CUX2: variants seen among roughly 807,000 people sequenced by gnomAD.
The protein encoded by CUX2 is cut like homeobox 2.
A neutral mutation model predicts 144.8 loss-of-function variants in CUX2; 40 were observed. The observed-to-expected ratio is 0.28, with a 90% CI of 0.21 to 0.36. The LOEUF is 0.36. Ranked by LOEUF, CUX2 falls within the 10% of genes least tolerant of loss-of-function variation. CUX2 has a pLI of 1.00. For missense variants in CUX2, 1,615 were observed against 1,994.0 expected, an observed-to-expected ratio of 0.81 and a Z score of 3.62; for synonymous variants, 827 against 875.6, an observed-to-expected ratio of 0.94 and a Z score of 0.98.
At chr12:111,101,520 G>C (rs1321581171) in intron 1 of CUX2, among the ~76,000 whole-genome samples, 1 of 152,202 alleles carries the variant, frequency 6.6e-6, no homozygotes, top group East Asian at 1.9e-4. Context: ...GATTTGTCAT[G>C]TTGTGGTATC....
chr12:111,264,901 G>A (rs1196657804), intron 4 of CUX2, among the ~76,000 whole-genome samples: 7 of 151,916 alleles, frequency 4.6e-5, no homozygotes, highest in South Asian at 2.1e-4. Context: ...GATAAGAGTC[G>A]ATTGTTGGTT....
intron 1 of CUX2, among the ~76,000 whole-genome samples, chr12:111,036,098 T>C (rs1869431474): frequency 6.6e-6 from 1 of 152,246 alleles, no homozygotes; most frequent in African/African-American, 2.4e-5. Context: ...ATTGATGTTC[T>C]GTAACATAAG....
chr12:111,176,923 A>G (rs945446033), intron 1 of CUX2, among the ~76,000 whole-genome samples: 2 of 152,142 alleles, frequency 1.3e-5, no homozygotes, highest in African/African-American at 4.8e-5. Flanking sequence ...AAAATTTCTC[A>G]TTGCAGGGTC....
chr12:111,186,961 T>C lies in CUX2; in HGVS notation c.64-27239T>C, dbSNP rs563831611. On this transcript the variant is annotated intron_variant, in intron 1 of 21. Coordinates refer to ENST00000261726, the MANE Select transcript of CUX2 (RefSeq NM_015267.4). This position sits in a 1 kb window ranked among gnomAD's most constrained non-coding sequence, Gnocchi z 4.4. ...GCCTGGCTAATTTTTGTATTTTTGG[T>C]AGAGATGGGGTTTTGCCATGTTGGC... is the stretch of plus-strand genomic sequence containing the variant. Among the ~76,000 whole-genome samples the C allele has an allele frequency of 6.6e-6, 1 of 152,188 alleles. No homozygotes were observed. The highest frequency in any genetic ancestry group is 1.9e-4 in the East Asian group (1 of 5,158).
chr12:111,087,046 G>A lies in CUX2; in HGVS notation c.63+52806G>A, dbSNP rs147348674. Among the ~76,000 whole-genome samples, 342 of 152,152 alleles carry A rather than the reference G, an allele frequency of 2.2e-3. 3 individuals carry two copies. The highest frequency in any genetic ancestry group is 7.4e-3 in the African/African-American group (308 of 41,530). The stretch of plus-strand genomic sequence containing the variant: ...AATGGACATAGTAAGTTATTCTACC[G>A]TAACAAGGGACTTACTAAAGAAAAT... On this transcript the variant is annotated intron_variant, in intron 1 of 21. Transcript: ENST00000261726.
intron 4 of CUX2, among the ~76,000 whole-genome samples, chr12:111,267,739 A>G (rs1015488557): frequency 6.6e-6 from 1 of 152,154 alleles, no homozygotes; most frequent in Non-Finnish European, 1.5e-5. Context: ...TGGTGGCTCC[A>G]GGTGTCCCTT....
At chr12:111,108,713 A>C (rs191586999) in intron 1 of CUX2, among the ~76,000 whole-genome samples, 42 of 55,124 alleles carry the variant, frequency 7.6e-4, no homozygotes, top group East Asian at 1.2e-3. Flanking sequence ...TCTTTGCCCC[A>C]CTCTCCTCGC....
At chr12:111,315,667 C>T (rs1209262604) in intron 16 of CUX2, among the ~76,000 whole-genome samples, 7 of 151,888 alleles carry the variant, frequency 4.6e-5, no homozygotes, top group Non-Finnish European at 7.4e-5. Flanking sequence ...TGCAGTGAGC[C>T]GAGATCGCGC....
chr12:111,238,821 G>A (rs747958347), intron 3 of CUX2, among the ~76,000 whole-genome samples: 10 of 152,136 alleles, frequency 6.6e-5, no homozygotes, highest in Non-Finnish European at 1.2e-4. Flanking sequence ...GAGGCGGGTG[G>A]GTCACTTTAG....
intron 1 of CUX2, among the ~76,000 whole-genome samples, chr12:111,137,104 AT>A (rs1242985153): frequency 0.081 from 11,599 of 142,320 alleles, 1,355 homozygotes; most frequent in African/African-American, 0.27. Context: ...CACCTGGCTA[AT>A]TTTTTTTTTT....
chr12:111,041,929 C>T (rs548229828), intron 1 of CUX2, among the ~76,000 whole-genome samples: 2 of 152,220 alleles, frequency 1.3e-5, no homozygotes, highest in Non-Finnish European at 2.9e-5. Context: ...CCTGCTGTCT[C>T]TGCTTCTTCC....
At chr12:111,123,435 C>T (rs1235399192) in intron 1 of CUX2, among the ~76,000 whole-genome samples, 8 of 152,186 alleles carry the variant, frequency 5.3e-5, no homozygotes, top group East Asian at 1.9e-4. Flanking sequence ...CCACCAATCT[C>T]GGCCTCCCAA....
rs142696633 is a variant in CUX2, at chr12:111,204,016, G to A, written c.64-10184G>A. Reference sequence around the variant, plus strand: ...GCCCAAGTGCCAGCCTTGGCCCAAAGCATCCAGCCCTTCCCAGGCACCTCC... The same window carrying A: ...GCCCAAGTGCCAGCCTTGGCCCAAAACATCCAGCCCTTCCCAGGCACCTCC... On this transcript the variant is annotated intron_variant, in intron 1 of 21. Coordinates refer to ENST00000261726, the MANE Select transcript of CUX2 (RefSeq NM_015267.4). 3.0e-3 allele frequency among the ~76,000 whole-genome samples: 459 copies of A among 152,352 alleles called. 3 individuals are homozygous for A. The highest frequency in any genetic ancestry group is 0.02 in the Middle Eastern group (6 of 294).
chr12:111,187,101 C>G (rs938156938), intron 1 of CUX2, among the ~76,000 whole-genome samples: 3 of 152,182 alleles, frequency 2.0e-5, no homozygotes, highest in African/African-American at 7.2e-5. Context: ...TTTTTACGCT[C>G]TAAGTATGAA....
chr12:111,272,102 T>C (rs1884669564), intron 4 of CUX2, among the ~76,000 whole-genome samples: 1 of 152,232 alleles, frequency 6.6e-6, no homozygotes. Flanking sequence ...ACTTTTGTGA[T>C]CTTAATTTTT....
chr12:111,113,849 G>A (rs1411543746), intron 1 of CUX2, among the ~76,000 whole-genome samples: 7 of 152,212 alleles, frequency 4.6e-5, no homozygotes, highest in South Asian at 2.1e-4. Context: ...GAGCTGCCGC[G>A]TCTGGCCTCA....
chr12:111,114,359 CT>C (rs1478265628), intron 1 of CUX2, among the ~76,000 whole-genome samples: 1 of 152,080 alleles, frequency 6.6e-6, no homozygotes, highest in Non-Finnish European at 1.5e-5. Flanking sequence ...TGTTGAGCAT[CT>C]TTTCATTGCT....
intron 1 of CUX2, among the ~76,000 whole-genome samples, chr12:111,094,933 G>A (rs1374952764): frequency 1.3e-5 from 2 of 152,304 alleles, no homozygotes; most frequent in East Asian, 3.9e-4. Flanking sequence ...ATCTCTGGAC[G>A]AAGGTAGACT....
rs1884954562 is a variant in CUX2, at chr12:111,277,910, A to G, written c.302-13508A>G. Among the ~76,000 whole-genome samples the G allele has an allele frequency of 6.6e-6, 1 of 152,218 alleles. No homozygotes were observed. Among genetic ancestry groups the G allele is most frequent in the Non-Finnish European group, 1.5e-5 (1 of 68,038 alleles). ...GATGGGTCTCACTGGGCAACAATCA[A>G]AGCATTCGCAGGGCCGGGTTGTTTC... On this transcript the variant is annotated intron_variant, in intron 4 of 21. Transcript: ENST00000261726. The surrounding 1 kb of genome is among the most constrained non-coding windows in gnomAD (Gnocchi z 5.0).
Sources: gnomAD v4.1 joint callset for allele counts (sites outside exome capture counted in the v4.1 genomes callset) on GRCh38, gnomAD v4.1.1 for gene constraint, Gnocchi (gnomAD v3.1) non-coding constraint, MANE v1.5 for transcripts, NCBI Gene and HGNC (gene_info 2026-07-23, HGNC 2026-07-21) for gene names.